The following G3BP2 variants were observed in gnomAD, a reference collection of about 807,000 sequenced individuals.
G3BP2 encodes the protein G3BP stress granule assembly factor 2, also known as ras GTPase-activating protein-binding protein 2.
In G3BP2, 11 loss-of-function variants were observed where a neutral mutation model predicts 56.7. The observed-to-expected ratio is 0.19, with a 90% confidence interval of 0.12 to 0.32. The LOEUF (loss-of-function observed/expected upper bound fraction) is 0.32. Ranked by LOEUF, G3BP2 falls within the 10% of genes least tolerant of loss-of-function variation. G3BP2 has a pLI of 1.00. For missense variants in G3BP2, 340 were observed against 610.9 expected, an observed-to-expected ratio of 0.56 and a Z score of 4.67; for synonymous variants, 165 against 191.6, an observed-to-expected ratio of 0.86 and a Z score of 1.15.
At chr4:75,698,108 A>G (rs1719197300) in intron 3 of G3BP2, among the ~76,000 whole-genome samples, 2 of 152,352 alleles carry the variant, frequency 1.3e-5, no homozygotes, top group African/African-American at 4.8e-5. Flanking sequence ...CTTACAGAAC[A>G]AAAAGGGACT....
chr4:75,682,211 T>C (rs1734104631), intron 3 of G3BP2, among the ~76,000 whole-genome samples: 1 of 152,046 alleles, frequency 6.6e-6, no homozygotes, highest in South Asian at 2.1e-4. Flanking sequence ...GGTCAAGAGC[T>C]CGAGACTATC....
chr4:75,685,864 G>T (rs1019837868), intron 3 of G3BP2, among the ~76,000 whole-genome samples: 4 of 152,172 alleles, frequency 2.6e-5, no homozygotes, highest in African/African-American at 9.7e-5. Flanking sequence ...TCTATAAAGT[G>T]ACAGTAACTA....
At chr4:75,658,605 T>C (rs1029871804) in intron 3 of G3BP2, among the ~76,000 whole-genome samples, 1 of 151,880 alleles carries the variant, frequency 6.6e-6, no homozygotes, top group African/African-American at 2.4e-5. Flanking sequence ...TGCATGCCTG[T>C]AATCTCAGCT....
Position 75,644,596 on chromosome 4 carries a change from C to T in G3BP2, c.*834G>A, listed in dbSNP as rs1731082365. On this transcript the variant is annotated 3_prime_UTR_variant, in exon 12 of 12. Transcript: ENST00000359707. Reference sequence around the variant, plus strand: ...TACAGTAAAGACAATTTTCACTGTACACAGCTTAAAGAAAGGAAAAAAGGG... The same window carrying T: ...TACAGTAAAGACAATTTTCACTGTATACAGCTTAAAGAAAGGAAAAAAGGG... 1 of 152,496 alleles carries T rather than the reference C, an allele frequency of 6.6e-6. No individual in the cohort carries two copies. The highest frequency in any genetic ancestry group is 2.1e-4 in the South Asian group (1 of 4,830). 9.4% of individuals were successfully genotyped at this position (152,496 alleles called of 1,614,324 possible).
At chr4:75,681,025 T>C (rs920582797) in intron 3 of G3BP2, among the ~76,000 whole-genome samples, 16 of 150,522 alleles carry the variant, frequency 1.1e-4, no homozygotes, top group Non-Finnish European at 1.5e-4. Context: ...AGTCTTTCTC[T>C]TAAATATAGT....
At chr4:75,668,380 T>C (rs1733224318) in intron 1 of G3BP2, among the ~76,000 whole-genome samples, 1 of 152,348 alleles carries the variant, frequency 6.6e-6, no homozygotes, top group South Asian at 2.1e-4. Context: ...GAATCACTAC[T>C]ATAATGGGGC....
At chr4:75,673,769 T>A (rs1254572420), upstream of G3BP2, 1 of 430,560 alleles carries the variant, frequency 2.3e-6, no homozygotes, top group Non-Finnish European at 3.8e-6. Context: ...TTCTGGTCCT[T>A]TTTATTAATG....
intron 3 of G3BP2, among the ~76,000 whole-genome samples, chr4:75,718,051 G>C (rs995384719): frequency 6.6e-6 from 1 of 151,814 alleles, no homozygotes; most frequent in Non-Finnish European, 1.5e-5. Flanking sequence ...AGGCAGAATA[G>C]CTTGAACCTG....
intron 3 of G3BP2, among the ~76,000 whole-genome samples, chr4:75,693,442 T>A (rs1718955092): frequency 6.6e-6 from 1 of 151,944 alleles, no homozygotes; most frequent in Non-Finnish European, 1.5e-5. Context: ...CCTGCTTCAC[T>A]GTATTGACTG....
intron 3 of G3BP2, among the ~76,000 whole-genome samples, chr4:75,716,704 G>A (rs545426895): frequency 8.6e-5 from 13 of 152,012 alleles, no homozygotes; most frequent in African/African-American, 2.7e-4. Flanking sequence ...TAGTAGACAC[G>A]GGGTTTCTCC....
upstream of G3BP2, among the ~76,000 whole-genome samples, chr4:75,676,869 G>A (rs571242832): frequency 3.3e-3 from 501 of 152,162 alleles, 2 homozygotes; most frequent in Non-Finnish European, 3.4e-3. Context: ...AGGCCTACCT[G>A]ATCTAGTCCT....
At position 75,646,354 on chromosome 4, in the gene G3BP2, C is replaced by A. The variant is rs1377914761; in HGVS notation, c.1160G>T (p.Arg387Ile). ...ATCACTTACTTTTGCAATTAAGATTCTCTGAACTGGTTCAGAGTCATCAAA... is the reference window on the plus strand; with the variant it reads ...ATCACTTACTTTTGCAATTAAGATTATCTGAACTGGTTCAGAGTCATCAAA... ...VVFDDSEPVQRILIAKPIMFR... is the reference protein window; with the variant it reads ...VVFDDSEPVQIILIAKPIMFR... Residue 387 changes from arginine (R) to isoleucine (I), a missense_variant, in exon 11 of 12, where the codon AGA becomes ATA. Physicochemically the swap from Arg to Ile is moderately conservative, Grantham distance 97. Around this residue, in one of 4 missense-constraint regions of G3BP2, gnomAD observed 94 missense variants for 173.8 expected, o/e 0.54. Coordinates refer to ENST00000359707, the MANE Select transcript of G3BP2 (RefSeq NM_203505.3). 1 of 1,517,436 alleles carries A rather than the reference C, an allele frequency of 6.6e-7. No individual in the cohort carries two copies. The highest frequency in any genetic ancestry group is 2.3e-5 in the East Asian group (1 of 44,074). The allele number at this position is 1,517,436 out of a possible 1,614,324, so 94.0% of individuals were successfully genotyped here. A position where few individuals can be genotyped will look rare whatever the true frequency, so the allele number is the denominator to read the frequency against.
rs1720310622 is a variant in G3BP2 at position 75,724,372 on chromosome 4, A to C, written c.-262T>G. ...GTAAGTCCCGCTTGGCGACGATTAAACACCCTGCAAGTCGAAACGCGTAGT... is the reference window on the plus strand; with the variant it reads ...GTAAGTCCCGCTTGGCGACGATTAACCACCCTGCAAGTCGAAACGCGTAGT... On this transcript the variant is annotated 5_prime_UTR_variant, in exon 1 of 4. Coordinates refer to the G3BP2 transcript ENST00000499709. 3 of 164,202 alleles carry C rather than the reference A, an allele frequency of 1.8e-5. No homozygotes were observed. The South Asian group carries it at 4.0e-4, about 22-fold the overall frequency. 10.2% of individuals were successfully genotyped at this position (164,202 alleles called of 1,614,324 possible). A position where few individuals can be genotyped will look rare whatever the true frequency, so the allele number is the denominator to read the frequency against.
intron 1 of G3BP2, 120 bp from the exon 2 acceptor site, chr4:75,662,169 A>G (rs1732613384): frequency 1.7e-6 from 1 of 600,692 alleles, no homozygotes; most frequent in Non-Finnish European, 3.0e-6. Context: ...TTTTAGTGAC[A>G]CTAATGTTAA....
At chr4:75,654,337 G>A (rs1731922384) in intron 7 of G3BP2, among the ~76,000 whole-genome samples, 1 of 152,214 alleles carries the variant, frequency 6.6e-6, no homozygotes, top group South Asian at 2.1e-4. Context: ...CTAAGTAGAT[G>A]AGCAAGTGGC....
intron 7 of G3BP2, among the ~76,000 whole-genome samples, chr4:75,654,304 C>T (rs1388330574): frequency 2.0e-5 from 3 of 152,206 alleles, no homozygotes; most frequent in African/African-American, 7.2e-5. Context: ...CTAAGTAAAA[C>T]CATAAGCAAG....
At chr4:75,703,304 G>A (rs989746816) in intron 3 of G3BP2, among the ~76,000 whole-genome samples, 2 of 152,162 alleles carry the variant, frequency 1.3e-5, no homozygotes, top group Non-Finnish European at 2.9e-5. Flanking sequence ...CACCAGTGAT[G>A]AGAACCAGAC....
At chr4:75,665,826 T>C (rs1267320676) in intron 1 of G3BP2, among the ~76,000 whole-genome samples, 1 of 152,202 alleles carries the variant, frequency 6.6e-6, no homozygotes, top group African/African-American at 2.4e-5. Flanking sequence ...AAAATAATAC[T>C]AACACATGGG....
chr4:75,647,283 T>C (rs184648888), intron 9 of G3BP2, 126 bp from the exon 10 acceptor site: 9 of 606,938 alleles, frequency 1.5e-5, no homozygotes, highest in Non-Finnish European at 2.5e-5. Context: ...GGTGAGCTTC[T>C]TGAAAAAGAG....
Sources: gnomAD v4.1 joint callset for allele counts (sites outside exome capture counted in the v4.1 genomes callset) on GRCh38, gnomAD v4.1.1 for gene constraint, gnomAD v4.1.1 regional missense constraint, MANE v1.5 for transcripts, NCBI Gene and HGNC (gene_info 2026-07-23, HGNC 2026-07-21) for gene names.